The following DCPH1 variants were observed in gnomAD, a reference collection of about 807,000 sequenced individuals.
The protein encoded by DCPH1 is damage-control phosphatase 1.
chr6:151,452,695 C>T, the DCPH1 span: 2 of 1,187,694 alleles, frequency 1.7e-6, no homozygotes, highest in East Asian at 2.7e-5. Flanking sequence ...CGTTCGAGTC[C>T]CGCCGCCGGG....
the DCPH1 span, chr6:151,454,734 C>T: frequency 1.5e-6 from 1 of 671,326 alleles, no homozygotes; most frequent in Admixed American, 3.0e-5. Context: ...TATCAATTTT[C>T]CTTTAAATGT....
chr6:151,463,537 G>A, the DCPH1 span, among the ~76,000 whole-genome samples: 1 of 152,136 alleles, frequency 6.6e-6, no homozygotes, highest in Non-Finnish European at 1.5e-5. Flanking sequence ...AAAGTGCTCT[G>A]AGCAATGGCA....
the DCPH1 span, chr6:151,464,676 A>C: frequency 8.9e-7 from 1 of 1,119,296 alleles, no homozygotes; most frequent in Non-Finnish European, 1.2e-6. Flanking sequence ...ATAAACTGCT[A>C]TACAGTTAAC....
the DCPH1 span, among the ~76,000 whole-genome samples, chr6:151,467,240 ACT>A: frequency 2.0e-5 from 3 of 147,458 alleles, no homozygotes; most frequent in Non-Finnish European, 4.5e-5. Context: ...GACAGAGGAG[ACT>A]CTATCTCAAA....
chr6:151,461,049 G>A, the DCPH1 span, among the ~76,000 whole-genome samples: 1 of 152,222 alleles, frequency 6.6e-6, no homozygotes, highest in Admixed American at 6.5e-5. Flanking sequence ...GTGTGAATCA[G>A]ATTAGTGTCC....
At chr6:151,455,418 T>C in the DCPH1 span, among the ~76,000 whole-genome samples, 6 of 152,336 alleles carry the variant, frequency 3.9e-5, no homozygotes, top group Non-Finnish European at 7.4e-5. Flanking sequence ...GAGAGAGGGA[T>C]GTGTCAGGGT....
At chr6:151,453,144 A>G in the DCPH1 span, among the ~76,000 whole-genome samples, 4 of 152,246 alleles carry the variant, frequency 2.6e-5, no homozygotes, top group African/African-American at 9.7e-5. Flanking sequence ...TTTGAAGAAA[A>G]TAAACCTGGG....
chr6:151,458,540 G>C, the DCPH1 span: 1 of 1,611,784 alleles, frequency 6.2e-7, no homozygotes, highest in Non-Finnish European at 8.5e-7. Context: ...AATGTTACAT[G>C]TATCGAAGAA....
At chr6:151,467,174 C>T in the DCPH1 span, among the ~76,000 whole-genome samples, 2 of 151,800 alleles carry the variant, frequency 1.3e-5, no homozygotes, top group African/African-American at 4.8e-5. Context: ...AAAGCTTGAA[C>T]CCGTGAGGCA....
the DCPH1 span, among the ~76,000 whole-genome samples, chr6:151,460,903 CTG>C: frequency 2.6e-5 from 4 of 152,186 alleles, no homozygotes; most frequent in Non-Finnish European, 4.4e-5. Context: ...GTTCTAGTGA[CTG>C]TGCAACCCAG....
the DCPH1 span, among the ~76,000 whole-genome samples, chr6:151,468,167 GCAT>G: frequency 2.6e-5 from 4 of 152,150 alleles, no homozygotes; most frequent in Non-Finnish European, 5.9e-5. Flanking sequence ...TGTTAATACA[GCAT>G]CATGTGAAAT....
the DCPH1 span, among the ~76,000 whole-genome samples, chr6:151,459,793 A>G: frequency 6.6e-6 from 1 of 152,170 alleles, no homozygotes; most frequent in African/African-American, 2.4e-5. Flanking sequence ...GTTTAAAAAA[A>G]CCAAAAAACA....
the DCPH1 span, chr6:151,468,275 C>T: frequency 1.3e-5 from 14 of 1,062,638 alleles, no homozygotes; most frequent in Admixed American, 5.0e-5. Flanking sequence ...CCCCCCATCC[C>T]GCTACATAAT....
chr6:151,461,915 A>C, the DCPH1 span, among the ~76,000 whole-genome samples: 1 of 152,202 alleles, frequency 6.6e-6, no homozygotes, highest in African/African-American at 2.4e-5. Context: ...GTGGCAGATA[A>C]AGAGCCATCT....
the DCPH1 span, chr6:151,468,911 A>G: frequency 6.2e-7 from 1 of 1,614,068 alleles, no homozygotes; most frequent in Non-Finnish European, 8.5e-7. Flanking sequence ...TTGACAGGTG[A>G]CAGAAAATGG....
At chr6:151,469,787 G>A in the DCPH1 span, 1 of 152,524 alleles carries the variant, frequency 6.6e-6, no homozygotes, top group African/African-American at 2.4e-5. Flanking sequence ...TTGAAGAAAT[G>A]TAATATCTTT....
At chr6:151,454,129 A>G in the DCPH1 span, among the ~76,000 whole-genome samples, 1 of 152,220 alleles carries the variant, frequency 6.6e-6, no homozygotes, top group African/African-American at 2.4e-5. Flanking sequence ...TAGACCCTTT[A>G]GGTGGTTTTA....
At chr6:151,468,823 C>G in the DCPH1 span, 5 of 1,614,200 alleles carry the variant, frequency 3.1e-6, no homozygotes, top group South Asian at 5.5e-5. Context: ...TGCAATGCCT[C>G]AGGTTGCACC....
the DCPH1 span, chr6:151,458,401 C>T: frequency 2.4e-5 from 38 of 1,613,172 alleles, no homozygotes; most frequent in Middle Eastern, 1.6e-4. Context: ...ACAGATAAAC[C>T]ATTTATCCCC....
Sources: allele counts gnomAD v4.1 joint callset (sites outside exome capture counted in the v4.1 genomes callset), GRCh38; gene constraint gnomAD v4.1.1; transcripts MANE v1.5; gene names NCBI Gene and HGNC (gene_info 2026-07-23, HGNC 2026-07-21).